Variants in CASK observed in about 807,000 individuals in gnomAD.
CASK encodes calcium/calmodulin dependent serine protein kinase, also known as peripheral plasma membrane protein CASK.
A neutral mutation model predicts 82.9 loss-of-function variants in CASK; 4 were observed. The observed-to-expected ratio is 0.05, with a 90% CI of 0.02 to 0.11. The LOEUF is 0.11. CASK is among the 10% of genes least tolerant of loss of function. The probability of loss-of-function intolerance (pLI) is 1.00; values close to 1 mark genes in which losing one functional copy is unlikely to be tolerated. For synonymous variants in CASK, 259 were observed against 253.5 expected (o/e 1.02, Z -0.20); for missense variants, 358 against 720.9 (o/e 0.50, Z 5.76).
chrX:41,544,368 C>T (rs1035295340), intron 21 of CASK, among the ~76,000 whole-genome samples: 2 of 110,626 alleles, frequency 1.8e-5, no homozygotes, highest in Non-Finnish European at 3.8e-5. Context: ...GGAGTTCACA[C>T]GAGCCTGGGC....
At chrX:41,920,324 G>A (rs1220935458) in intron 1 of CASK, among the ~76,000 whole-genome samples, 1 of 111,995 alleles carries the variant, frequency 8.9e-6, no homozygotes, top group Non-Finnish European at 1.9e-5. Flanking sequence ...AAAAATGTAT[G>A]CTGTCAAGGT....
intron 5 of CASK, among the ~76,000 whole-genome samples, chrX:41,704,267 C>A (rs1330598337): frequency 8.9e-6 from 1 of 111,748 alleles, no homozygotes; most frequent in African/African-American, 3.3e-5. Context: ...TAAACACTGG[C>A]ACTTATGCAT....
chrX:41,748,834 T>TA (rs2068739237), intron 3 of CASK, among the ~76,000 whole-genome samples: 2 of 112,063 alleles, frequency 1.8e-5, no homozygotes, highest in Admixed American at 1.9e-4. Context: ...CCCTGTGCTA[T>TA]AATTATCAGC....
intron 14 of CASK, among the ~76,000 whole-genome samples, chrX:41,581,351 A>G (rs5917434): frequency 0.14 from 15,712 of 109,680 alleles, 898 homozygotes; most frequent in Middle Eastern, 0.18. Flanking sequence ...CTGCACTCCT[A>G]TCTAGGCAAT....
chrX:41,673,446 T>C lies in CASK; in HGVS notation c.430-1916A>G, dbSNP rs575194152. On this transcript the variant is annotated intron_variant, in intron 5 of 26. Coordinates refer to ENST00000378163, the MANE Select transcript of CASK (RefSeq NM_001367721.1). ...AAAGAGTTGAATTTAAGAAAGCAAA[T>C]AGAGCCATAAATGCAAATTAACAGA... is the stretch of plus-strand genomic sequence containing the variant. 2.7e-5 allele frequency among the ~76,000 whole-genome samples: 3 copies of C among 111,364 alleles called. No individual in the cohort carries two copies. In the South Asian group the frequency reaches 1.1e-3, roughly 42 times the overall value.
chrX:41,916,392 C>T lies in CASK; in HGVS notation c.59+6538G>A, dbSNP rs936890945. 4.5e-5 allele frequency among the ~76,000 whole-genome samples: 5 copies of T among 111,721 alleles called. No homozygotes were observed. In the Admixed American group the frequency reaches 4.7e-4, roughly 11 times the overall value. Reference sequence around the variant, plus strand: ...GGCTCTACAACCAATACCATAGTGGCTCCAGGACAGAAAGGAAGGAGAGCA... The same window carrying T: ...GGCTCTACAACCAATACCATAGTGGTTCCAGGACAGAAAGGAAGGAGAGCA... On this transcript the variant is annotated intron_variant, in intron 1 of 26. Transcript: ENST00000378163.
At chrX:41,918,230 C>T (rs910903482) in intron 1 of CASK, among the ~76,000 whole-genome samples, 3 of 112,155 alleles carry the variant, frequency 2.7e-5, no homozygotes, top group African/African-American at 9.7e-5. Flanking sequence ...CTGCATGAAT[C>T]AATACATGTG....
chrX:41,837,598 C>T (rs2070951205), intron 2 of CASK, among the ~76,000 whole-genome samples: 1 of 112,028 alleles, frequency 8.9e-6, no homozygotes, highest in Non-Finnish European at 1.9e-5. Context: ...ATACAGTACA[C>T]GACAATTAAG....
chrX:41,818,145 CTGTGTGTGTGTGTGTG>C (rs59931187), intron 2 of CASK, among the ~76,000 whole-genome samples: 13 of 85,423 alleles, frequency 1.5e-4, no homozygotes, highest in African/African-American at 3.1e-4. Context: ...AGGAGGCCTT[CTGTGTGTGTGTGTGTG>C]TGTGTGTGTG....
At chrX:41,881,792 C>T (rs1239818216) in intron 1 of CASK, among the ~76,000 whole-genome samples, 3 of 111,473 alleles carry the variant, frequency 2.7e-5, no homozygotes, top group South Asian at 3.7e-4. Context: ...TTATTATTTC[C>T]GTGTTTACTT....
rs2070875991 is a variant in CASK, at chrX:41,833,842, G to C, written c.172+19273C>G. On this transcript the variant is annotated intron_variant, in intron 2 of 26. Transcript: ENST00000378163. Reference sequence around the variant, plus strand: ...CAGCTCACTGCAGCCTCGACTTCCTGGGCTCAGGCGATCCTCCCACCTCAG... The same window carrying C: ...CAGCTCACTGCAGCCTCGACTTCCTCGGCTCAGGCGATCCTCCCACCTCAG... Among the ~76,000 whole-genome samples the C allele has an allele frequency of 3.6e-5, 4 of 111,041 alleles. No individual in the cohort carries two copies. In the Admixed American group the frequency reaches 3.8e-4, roughly 11 times the overall value.
intron 12 of CASK, among the ~76,000 whole-genome samples, chrX:41,602,330 A>G (rs2065904845): frequency 9.0e-6 from 1 of 111,055 alleles, no homozygotes; most frequent in African/African-American, 3.3e-5. Flanking sequence ...TTTTTTGTTC[A>G]ATTTATTCCT....
At chrX:41,704,037 T>C (rs1421996641) in intron 5 of CASK, among the ~76,000 whole-genome samples, 2 of 110,650 alleles carry the variant, frequency 1.8e-5, no homozygotes, top group African/African-American at 6.6e-5. Flanking sequence ...CCCCTCCCCC[T>C]CCCTTTTCCC....
At chrX:41,702,153 A>T (rs2067806140) in intron 5 of CASK, among the ~76,000 whole-genome samples, 1 of 111,398 alleles carries the variant, frequency 9.0e-6, no homozygotes, top group East Asian at 2.9e-4. Flanking sequence ...TGGGAGGCCA[A>T]GGTGGGTGGA....
chrX:41,527,488 G>A (rs1217282807), intron 25 of CASK, among the ~76,000 whole-genome samples: 1 of 112,012 alleles, frequency 8.9e-6, no homozygotes, highest in Admixed American at 9.5e-5. Flanking sequence ...GTGTATAAGA[G>A]GCAGATATCT....
chrX:41,767,301 C>T (rs922222133), intron 3 of CASK, among the ~76,000 whole-genome samples: 2 of 111,510 alleles, frequency 1.8e-5, no homozygotes, highest in African/African-American at 6.5e-5. Flanking sequence ...ATATGGGTTC[C>T]ACAGGGCTGA....
chrX:41,819,836 C>T (rs2070494051), intron 2 of CASK, among the ~76,000 whole-genome samples: 1 of 111,750 alleles, frequency 8.9e-6, no homozygotes, highest in South Asian at 3.6e-4. Context: ...TATACAAAAA[C>T]TCAACTCAGA....
At chrX:41,565,188 A>G (rs2065292706) in intron 16 of CASK, among the ~76,000 whole-genome samples, 1 of 111,753 alleles carries the variant, frequency 8.9e-6, no homozygotes, top group African/African-American at 3.3e-5. Context: ...GAGAAGCAAG[A>G]GCAAACAAAT....
intron 5 of CASK, chrX:41,729,101 T>C (rs1022181314): frequency 4.9e-5 from 6 of 123,475 alleles, no homozygotes; most frequent in Non-Finnish European, 1.1e-4. Flanking sequence ...GTGAAATAAA[T>C]GAATGAATAA....
Sources: gnomAD v4.1 joint callset for allele counts (sites outside exome capture counted in the v4.1 genomes callset) on GRCh38, gnomAD v4.1.1 for gene constraint, MANE v1.5 for transcripts, NCBI Gene and HGNC (gene_info 2026-07-23, HGNC 2026-07-21) for gene names.